The following NKAIN2 variants were observed in gnomAD, a reference collection of about 807,000 sequenced individuals.
NKAIN2 encodes the protein sodium/potassium transporting ATPase interacting 2, also known as sodium/potassium-transporting ATPase subunit beta-1-interacting protein 2.
Under a neutral mutation model 32.6 loss-of-function variants are expected in NKAIN2, and 14 were observed. That is an observed-to-expected ratio of 0.43 (90% CI 0.28 to 0.67). The LOEUF is 0.67. Ranked by LOEUF, NKAIN2 falls within the 30% of genes least tolerant of loss-of-function variation. The probability of loss-of-function intolerance (pLI) is 0.17; values close to 1 mark genes in which losing one functional copy is unlikely to be tolerated. For missense variants in NKAIN2, 198 were observed against 258.3 expected, an observed-to-expected ratio of 0.77 and a Z score of 1.60; for synonymous variants, 80 against 87.2, an observed-to-expected ratio of 0.92 and a Z score of 0.46.
rs1475317675 is a variant in NKAIN2, at chr6:124,497,154, G to A, written c.273+141807G>A. Reference sequence around the variant, plus strand: ...AAACATATAAAAGATAGAATTTAATGCTCATTTAGCTTTGCTTTAGGAATT... The same window carrying A: ...AAACATATAAAAGATAGAATTTAATACTCATTTAGCTTTGCTTTAGGAATT... On this transcript the variant is annotated intron_variant, in intron 3 of 6. Coordinates refer to ENST00000368417, the MANE Select transcript of NKAIN2 (RefSeq NM_001040214.3). 7.9e-5 allele frequency among the ~76,000 whole-genome samples: 12 copies of A among 152,226 alleles called. No individual in the cohort carries two copies. The East Asian group carries it at 1.2e-3, about 15-fold the overall frequency.
At chr6:124,405,118 A>G (rs1007286617) in intron 3 of NKAIN2, among the ~76,000 whole-genome samples, 9 of 152,212 alleles carry the variant, frequency 5.9e-5, no homozygotes, top group African/African-American at 2.2e-4. Flanking sequence ...AAATGGTTGC[A>G]GATCAGATTG....
intron 3 of NKAIN2, among the ~76,000 whole-genome samples, chr6:124,553,900 A>G (rs968859484): frequency 2.6e-5 from 4 of 152,294 alleles, no homozygotes; most frequent in Admixed American, 2.6e-4. Flanking sequence ...CCCGAAGCCC[A>G]TCTTCTCTTT....
chr6:124,236,159 A>AT (rs1792747905), intron 1 of NKAIN2, among the ~76,000 whole-genome samples: 1 of 152,024 alleles, frequency 6.6e-6, no homozygotes, highest in African/African-American at 2.4e-5. Flanking sequence ...TATTAAATCC[A>AT]TTTTTCTCAA....
In NKAIN2 at chr6:124,140,995, A is replaced by G. The variant is rs893107582; in HGVS notation, c.55-142010A>G. Among the ~76,000 whole-genome samples the G allele has an allele frequency of 4.6e-5, 7 of 152,212 alleles. No individual in the cohort carries two copies. In the East Asian group the frequency reaches 7.7e-4, roughly 17 times the overall value. On this transcript the variant is annotated intron_variant, in intron 1 of 6. Coordinates refer to ENST00000368417, the MANE Select transcript of NKAIN2 (RefSeq NM_001040214.3). ...AGACCTTCAGCTATTAGAATCTTAC[A>G]GAGAATAATACTTCTCCAATAAGGA...
At chr6:124,563,952 G>A (rs891157579) in intron 3 of NKAIN2, among the ~76,000 whole-genome samples, 9 of 152,244 alleles carry the variant, frequency 5.9e-5, no homozygotes, top group East Asian at 3.9e-4. Flanking sequence ...CACATAGGTC[G>A]CATGTTATGG....
chr6:124,511,873 T>A (rs894509087), intron 3 of NKAIN2, among the ~76,000 whole-genome samples: 7 of 152,170 alleles, frequency 4.6e-5, no homozygotes, highest in Admixed American at 2.0e-4. Flanking sequence ...AGGTGAATAG[T>A]CATTTGCTCA....
intron 3 of NKAIN2, among the ~76,000 whole-genome samples, chr6:124,393,461 C>T (rs114439801): frequency 0.019 from 2,956 of 152,018 alleles, 85 homozygotes; most frequent in African/African-American, 0.068. Context: ...GCTGGCAATA[C>T]TGTTTGCTAG....
intron 3 of NKAIN2, among the ~76,000 whole-genome samples, chr6:124,461,838 T>C (rs1776543675): frequency 6.6e-6 from 1 of 151,842 alleles, no homozygotes; most frequent in Admixed American, 6.6e-5. Flanking sequence ...CATTTGACTT[T>C]AGACTTTTGT....
chr6:124,345,234 C>T (rs1256229162), intron 2 of NKAIN2, among the ~76,000 whole-genome samples: 2 of 152,036 alleles, frequency 1.3e-5, no homozygotes, highest in African/African-American at 4.8e-5. Flanking sequence ...ATTCAGTTTG[C>T]CAGTATTTTA....
At chr6:123,820,348 G>C (rs1433306994) in intron 1 of NKAIN2, among the ~76,000 whole-genome samples, 1 of 152,168 alleles carries the variant, frequency 6.6e-6, no homozygotes, top group Non-Finnish European at 1.5e-5. Context: ...ACACTACTGG[G>C]ACAGAGAAGA....
chr6:124,356,936 T>C (rs139868959), intron 3 of NKAIN2, among the ~76,000 whole-genome samples: 31 of 152,250 alleles, frequency 2.0e-4, no homozygotes, highest in African/African-American at 6.0e-4. Context: ...TTGTTTAATA[T>C]TAAGAAAAGA....
At chr6:124,412,607 G>A (rs1052851423) in intron 3 of NKAIN2, among the ~76,000 whole-genome samples, 1 of 152,168 alleles carries the variant, frequency 6.6e-6, no homozygotes, top group African/African-American at 2.4e-5. Flanking sequence ...TCCCAGTTAG[G>A]CTACTCAGGG....
intron 4 of NKAIN2, among the ~76,000 whole-genome samples, chr6:124,709,727 T>G (rs982793604): frequency 3.3e-5 from 5 of 151,402 alleles, no homozygotes; most frequent in Admixed American, 2.6e-4. Flanking sequence ...GATTCTTCTC[T>G]TTTTTCTTTA....
chr6:124,526,095 A>G (rs1001481438), intron 3 of NKAIN2, among the ~76,000 whole-genome samples: 18 of 152,282 alleles, frequency 1.2e-4, no homozygotes, highest in African/African-American at 3.8e-4. Flanking sequence ...AGAATATGCA[A>G]TGGGAATCTT....
intron 3 of NKAIN2, among the ~76,000 whole-genome samples, chr6:124,373,322 A>T (rs1281487135): frequency 6.6e-6 from 1 of 151,140 alleles, no homozygotes; most frequent in Non-Finnish European, 1.5e-5. Context: ...CATGAGAAAG[A>T]CAGGGAGCAG....
intron 1 of NKAIN2, among the ~76,000 whole-genome samples, chr6:123,945,051 A>G (rs939979763): frequency 6.6e-5 from 10 of 152,110 alleles, no homozygotes; most frequent in Admixed American, 3.9e-4. Context: ...AAAGTCAGGG[A>G]AAAATAGAGG....
chr6:123,952,605 C>A (rs1481253588), intron 1 of NKAIN2, among the ~76,000 whole-genome samples: 1 of 151,938 alleles, frequency 6.6e-6, no homozygotes, highest in East Asian at 1.9e-4. Flanking sequence ...TTGTATCTGC[C>A]TGGGTTATAT....
At chr6:124,141,038 A>G (rs1366014432) in intron 1 of NKAIN2, among the ~76,000 whole-genome samples, 1 of 152,232 alleles carries the variant, frequency 6.6e-6, no homozygotes, top group Non-Finnish European at 1.5e-5. Flanking sequence ...TGTAATGATT[A>G]CTACCATATG....
intron 1 of NKAIN2, among the ~76,000 whole-genome samples, chr6:124,180,231 T>A (rs1322669727): frequency 1.3e-5 from 2 of 152,158 alleles, no homozygotes; most frequent in African/African-American, 4.8e-5. Context: ...GACTGGGTAA[T>A]TTAACAAGGA....
Sources: gnomAD v4.1 joint callset for allele counts (sites outside exome capture counted in the v4.1 genomes callset) on GRCh38, gnomAD v4.1.1 for gene constraint, MANE v1.5 for transcripts, NCBI Gene and HGNC (gene_info 2026-07-23, HGNC 2026-07-21) for gene names.